ROCK2: variants seen among roughly 807,000 people sequenced by gnomAD.
ROCK2 encodes Rho associated coiled-coil containing protein kinase 2.
ROCK2 carries 61 observed loss-of-function variants against 195.1 expected under a neutral mutation model. That is an observed-to-expected ratio of 0.31 (90% confidence interval 0.25 to 0.39). The LOEUF (loss-of-function observed/expected upper bound fraction) is 0.39, where lower values mean the gene tolerates loss of function less well. Among genes scored for constraint, ROCK2 ranks in the 10% least tolerant of loss-of-function variants. The probability of loss-of-function intolerance (pLI) is 1.00; values close to 1 mark genes in which losing one functional copy is unlikely to be tolerated. For missense variants in ROCK2, 1,109 were observed against 1,637.4 expected (o/e 0.68, Z 5.57); for synonymous variants, 504 against 545.5 (o/e 0.92, Z 1.06).
chr2:11,280,389 C>T (rs928894562), intron 3 of ROCK2, among the ~76,000 whole-genome samples: 6 of 150,772 alleles, frequency 4.0e-5, no homozygotes, highest in Non-Finnish European at 5.9e-5. Context: ...TTTGGGAGGC[C>T]GAGGCGGGCG....
intron 3 of ROCK2, among the ~76,000 whole-genome samples, chr2:11,283,535 T>C (rs1257329423): frequency 8.0e-6 from 1 of 124,698 alleles, no homozygotes; most frequent in South Asian, 2.6e-4. Context: ...CAGTCCGCAG[T>C]CCGGCCTGGG....
At chr2:11,303,567 G>A (rs1334673063) in intron 1 of ROCK2, among the ~76,000 whole-genome samples, 4 of 152,020 alleles carry the variant, frequency 2.6e-5, no homozygotes, top group African/African-American at 9.7e-5. Context: ...TTCTCTACTT[G>A]ATTACTGCCA....
chr2:11,297,367 TAATAA>T (rs1667568909), intron 1 of ROCK2, among the ~76,000 whole-genome samples: 2 of 152,088 alleles, frequency 1.3e-5, no homozygotes, highest in Non-Finnish European at 2.9e-5. Context: ...TAATAACTCA[TAATAA>T]AATATAGCAA....
At chr2:11,243,637 G>C (rs947696599) in intron 4 of ROCK2, among the ~76,000 whole-genome samples, 1 of 152,068 alleles carries the variant, frequency 6.6e-6, no homozygotes, top group African/African-American at 2.4e-5. Context: ...CTACAGAGGA[G>C]CATCCACATC....
chr2:11,187,657 C>G (rs1429937498), intron 32 of ROCK2, among the ~76,000 whole-genome samples: 2 of 152,112 alleles, frequency 1.3e-5, no homozygotes, highest in Admixed American at 1.3e-4. Flanking sequence ...GATACTAACT[C>G]ATCTTTCTCA....
chr2:11,327,238 C>T (rs1668577074), intron 1 of ROCK2, among the ~76,000 whole-genome samples: 1 of 152,128 alleles, frequency 6.6e-6, no homozygotes, highest in Non-Finnish European at 1.5e-5. Flanking sequence ...GGGTTCCTGC[C>T]TGCTAGTAAA....
intron 3 of ROCK2, among the ~76,000 whole-genome samples, chr2:11,260,177 G>A (rs1221922408): frequency 2.6e-5 from 4 of 151,416 alleles, no homozygotes; most frequent in Non-Finnish European, 4.4e-5. Context: ...GCCGGGTGTG[G>A]TGGCTCACGC....
At chr2:11,251,517 G>A (rs1282174320) in intron 3 of ROCK2, among the ~76,000 whole-genome samples, 1 of 152,186 alleles carries the variant, frequency 6.6e-6, no homozygotes, top group Non-Finnish European at 1.5e-5. Context: ...ATTAACTCAA[G>A]ATGGATTAGA....
intron 1 of ROCK2, among the ~76,000 whole-genome samples, chr2:11,330,025 G>C (rs761846605): frequency 6.6e-6 from 1 of 152,070 alleles, no homozygotes; most frequent in Non-Finnish European, 1.5e-5. Context: ...GGAGCATCTT[G>C]TACAACACTG....
rs529463621 is a variant in ROCK2 at position 11,291,530 on chromosome 2, G to A, written c.142-3794C>T. 4.0e-5 allele frequency among the ~76,000 whole-genome samples: 6 copies of A among 148,564 alleles called. No homozygotes were observed. The South Asian group carries it at 6.7e-4, about 17-fold the overall frequency. On this transcript the variant is annotated intron_variant, in intron 1 of 32. Coordinates refer to ENST00000315872, the MANE Select transcript of ROCK2 (RefSeq NM_004850.5). ...CGCGCCACTGCACTCCAGCCTGAGCGACAGACCAAGACTCTGTCTTAAAAA... is the reference window on the plus strand; with the variant it reads ...CGCGCCACTGCACTCCAGCCTGAGCAACAGACCAAGACTCTGTCTTAAAAA...
intron 17 of ROCK2, among the ~76,000 whole-genome samples, chr2:11,213,560 G>A (rs200157532): frequency 4.8e-5 from 3 of 62,374 alleles, no homozygotes; most frequent in African/African-American, 1.1e-4. Context: ...ATAACCCACA[G>A]AAGATAAAAT....
At chr2:11,226,912 G>GAAAA (rs36080073) in intron 6 of ROCK2, among the ~76,000 whole-genome samples, 38 of 100,726 alleles carry the variant, frequency 3.8e-4, no homozygotes, top group African/African-American at 7.6e-4. Context: ...CCCTGCCTCA[G>GAAAA]AAAAAAAAAA....
At chr2:11,273,276 T>C (rs565460232) in intron 3 of ROCK2, among the ~76,000 whole-genome samples, 1 of 152,142 alleles carries the variant, frequency 6.6e-6, no homozygotes, top group African/African-American at 2.4e-5. Context: ...CATAAGATAA[T>C]CACTTTAGAT....
At chr2:11,323,749 C>G (rs1273397623) in intron 1 of ROCK2, among the ~76,000 whole-genome samples, 1 of 152,156 alleles carries the variant, frequency 6.6e-6, no homozygotes, top group African/African-American at 2.4e-5. Flanking sequence ...CCACATACCC[C>G]TCACCCCTGC....
intron 32 of ROCK2, among the ~76,000 whole-genome samples, chr2:11,191,315 C>T (rs148018994): frequency 7.1e-4 from 108 of 152,250 alleles, no homozygotes; most frequent in Non-Finnish European, 1.1e-3. Flanking sequence ...CATAGCTATC[C>T]GAAAATGGCT....
intron 9 of ROCK2, among the ~76,000 whole-genome samples, chr2:11,220,245 C>T (rs976467626): frequency 4.6e-5 from 7 of 151,962 alleles, no homozygotes; most frequent in African/African-American, 9.7e-5. Context: ...CTTGAACTCC[C>T]GACCTCAGGT....
At chr2:11,237,458 A>G (rs548814930) in intron 4 of ROCK2, among the ~76,000 whole-genome samples, 2 of 152,366 alleles carry the variant, frequency 1.3e-5, no homozygotes, top group African/African-American at 4.8e-5. Flanking sequence ...TCTAGAAATG[A>G]GTAAAGTTAA....
In ROCK2 at chr2:11,218,961, C is replaced by G; in HGVS notation, c.1320+5G>C. The G allele has an allele frequency of 3.5e-6, 5 of 1,415,908 alleles. No individual in the cohort carries two copies. Among genetic ancestry groups the G allele is most frequent in the Non-Finnish European group, 4.9e-6 (5 of 1,026,102 alleles). The allele number at this position is 1,415,908 out of a possible 1,614,324, so 87.7% of individuals were successfully genotyped here. On this transcript the variant is annotated splice_donor_5th_base_variant and intron_variant, in intron 10 of 32. Coordinates refer to ENST00000315872, the MANE Select transcript of ROCK2 (RefSeq NM_004850.5). ...ATAACTACAGCAGTAAAAATGTATA[C>G]GTACTTCATTTTTCCTTGATTGTAT... is the stretch of plus-strand genomic sequence containing the variant.
At chr2:11,326,561 T>C (rs1346545170) in intron 1 of ROCK2, among the ~76,000 whole-genome samples, 1 of 152,218 alleles carries the variant, frequency 6.6e-6, no homozygotes, top group Non-Finnish European at 1.5e-5. Context: ...TAGAAAGAAC[T>C]GAGGTTTCGT....
Sources: gnomAD v4.1 joint callset for allele counts (sites outside exome capture counted in the v4.1 genomes callset) on GRCh38, gnomAD v4.1.1 for gene constraint, MANE v1.5 for transcripts, NCBI Gene and HGNC (gene_info 2026-07-23, HGNC 2026-07-21) for gene names.